Variants in BEND6 observed in about 807,000 individuals in gnomAD.
BEND6 encodes BEN domain-containing protein 6.
In BEND6, 24 loss-of-function variants were observed where a neutral mutation model predicts 31.8. That is an observed-to-expected ratio of 0.75 (90% CI 0.55 to 1.06). The LOEUF (loss-of-function observed/expected upper bound fraction) is 1.06. Among genes scored for constraint, BEND6 ranks in the 50% least tolerant of loss-of-function variants. The pLI is 0.00. For missense variants in BEND6, 294 were observed against 327.4 expected (o/e 0.90, Z 0.79); for synonymous variants, 109 against 114.6 (o/e 0.95, Z 0.31).
intron 3 of BEND6, among the ~76,000 whole-genome samples, chr6:56,993,508 G>A (rs1037694125): frequency 2.6e-5 from 4 of 152,198 alleles, no homozygotes; most frequent in African/African-American, 7.2e-5. Context: ...TGCATTTGGA[G>A]ACAGAATAGT....
intron 2 of BEND6, among the ~76,000 whole-genome samples, chr6:56,984,811 A>AG (rs1562543477): frequency 6.6e-6 from 1 of 152,200 alleles, no homozygotes; most frequent in Non-Finnish European, 1.5e-5. Context: ...CTGCATCTGA[A>AG]GCTTACCACT....
chr6:57,000,682 G>C (rs973654604), intron 3 of BEND6, among the ~76,000 whole-genome samples: 2 of 151,894 alleles, frequency 1.3e-5, no homozygotes, highest in South Asian at 2.1e-4. Flanking sequence ...TCTGGAGTTG[G>C]GATGGGCATT....
At chr6:57,020,718 G>A (rs60388447) in intron 6 of BEND6, among the ~76,000 whole-genome samples, 16 of 152,070 alleles carry the variant, frequency 1.1e-4, no homozygotes, top group South Asian at 6.2e-4. Context: ...CACCGTGACC[G>A]GCAATTTCCT....
At chr6:56,988,619 G>A (rs1317305506) in intron 2 of BEND6, among the ~76,000 whole-genome samples, 1 of 151,966 alleles carries the variant, frequency 6.6e-6, no homozygotes, top group East Asian at 1.9e-4. Context: ...CCCATCCCAA[G>A]ACCTAAAACA....
In BEND6 at chr6:56,972,086, C is replaced by CTGTCTTTTTTTTTTTTTTTTTTTTTTT. The variant is rs1825708870; in HGVS notation, c.-100-9624_-100-9623insGTCTTTTTTTTTTTTTTTTTTTTTTTT. On this transcript the variant is annotated intron_variant, in intron 1 of 6. Transcript: ENST00000370746. ...TTTTCTTTTTACTTTACTTTACTTT[C>CTGTCTTTTTTTTTTTTTTTTTTTTTTT]TTTTTTTTTTTTTTTTTTTTTTTTT... Among the ~76,000 whole-genome samples, 2 of 62,530 alleles carry CTGTCTTTTTTTTTTTTTTTTTTTTTTT rather than the reference C, an allele frequency of 3.2e-5. 1 individual carries two copies. 41.0% of individuals were successfully genotyped at this position (62,530 alleles called of 152,430 possible).
chr6:57,022,196 A>C (rs1453177265), intron 6 of BEND6, among the ~76,000 whole-genome samples: 2 of 140,280 alleles, frequency 1.4e-5, no homozygotes, highest in Non-Finnish European at 3.1e-5. Flanking sequence ...GAATTAGAGC[A>C]GAACTGGTAT....
At chr6:56,966,014 T>C (rs1177270698) in intron 1 of BEND6, among the ~76,000 whole-genome samples, 1 of 152,214 alleles carries the variant, frequency 6.6e-6, no homozygotes, top group Non-Finnish European at 1.5e-5. Context: ...ACACTTCACA[T>C]GACTTATAGT....
intron 6 of BEND6, among the ~76,000 whole-genome samples, chr6:57,023,764 C>CCTAG (rs1827822921): frequency 6.6e-6 from 1 of 152,178 alleles, no homozygotes; most frequent in South Asian, 2.1e-4. Flanking sequence ...TGCCACCACA[C>CCTAG]CTAGCTAGTA....
intron 6 of BEND6, among the ~76,000 whole-genome samples, chr6:57,021,568 C>G (rs913245683): frequency 1.3e-5 from 2 of 152,072 alleles, no homozygotes; most frequent in Non-Finnish European, 2.9e-5. Flanking sequence ...TGTGGCTGCC[C>G]TAAAGTTGCC....
intron 1 of BEND6, among the ~76,000 whole-genome samples, chr6:56,966,587 T>C (rs1327870903): frequency 6.6e-6 from 1 of 152,198 alleles, no homozygotes; most frequent in Non-Finnish European, 1.5e-5. Flanking sequence ...GCAGGCTTTT[T>C]ATTGACAATT....
In BEND6 at chr6:56,974,618, G is replaced by A. The variant is rs117732978; in HGVS notation, c.-100-7093G>A. Reference sequence around the variant, plus strand: ...TATGGGACAACTTCATTGCTTTAAAGTACTGCTAAGTGGACCACAAATGAC... The same window carrying A: ...TATGGGACAACTTCATTGCTTTAAAATACTGCTAAGTGGACCACAAATGAC... On this transcript the variant is annotated intron_variant, in intron 1 of 6. Coordinates refer to ENST00000370746, the MANE Select transcript of BEND6 (RefSeq NM_152731.3). 7.2e-5 allele frequency among the ~76,000 whole-genome samples: 11 copies of A among 152,314 alleles called. No homozygotes were observed. The East Asian group carries it at 2.1e-3, about 29-fold the overall frequency.
intron 4 of BEND6, 32 bp downstream of exon 4, chr6:57,015,385 G>A: frequency 6.5e-7 from 1 of 1,543,220 alleles, no homozygotes; most frequent in African/African-American, 1.4e-5. Context: ...ATTGTTCTTT[G>A]GAATATGCTT....
chr6:57,005,324 T>C (rs1344372410), intron 3 of BEND6, among the ~76,000 whole-genome samples: 1 of 152,118 alleles, frequency 6.6e-6, no homozygotes, highest in Non-Finnish European at 1.5e-5. Flanking sequence ...AAAAAATGTG[T>C]ACTCTCTGTG....
At chr6:57,001,678 G>T (rs1010201783) in intron 3 of BEND6, among the ~76,000 whole-genome samples, 3 of 152,188 alleles carry the variant, frequency 2.0e-5, no homozygotes, top group African/African-American at 7.2e-5. Flanking sequence ...ATATTTTCCA[G>T]ATAAGCAAGT....
At position 56,981,891 on chromosome 6, in the gene BEND6, G is replaced by T; in HGVS notation, c.81G>T (p.Met27Ile). 6.2e-7 allele frequency: 1 copy of T among 1,612,500 alleles called. No homozygotes were observed. Among genetic ancestry groups the T allele is most frequent in the South Asian group, 1.1e-5 (1 of 90,838 alleles). ...RKGKRKRTETMDSENANSDMD... is the reference protein window; with the variant it reads ...RKGKRKRTETIDSENANSDMD... ...GAAAGAGGAAAAGAACAGAGACAAT[G>T]GACTCAGAAAATGCAAATAGTGACA... The change falls in exon 2 of 7, where the codon ATG (methionine) becomes ATT (isoleucine). Residue 27 changes from methionine to isoleucine, a missense_variant. Coordinates refer to ENST00000370746, the MANE Select transcript of BEND6 (RefSeq NM_152731.3).
chr6:56,978,116 A>G (rs1251610577), intron 1 of BEND6, among the ~76,000 whole-genome samples: 1 of 149,142 alleles, frequency 6.7e-6, no homozygotes, highest in African/African-American at 2.5e-5. Context: ...ACAAAAAACA[A>G]AAAAAAAAAA....
intron 3 of BEND6, among the ~76,000 whole-genome samples, chr6:56,995,659 G>A (rs893078613): frequency 2.0e-5 from 3 of 152,072 alleles, no homozygotes; most frequent in African/African-American, 4.8e-5. Context: ...ATGTTCTTGT[G>A]TGCTTCTCTC....
At chr6:57,009,911 TAC>T (rs1827287722) in intron 3 of BEND6, 1 of 152,210 alleles carries the variant, frequency 6.6e-6, no homozygotes, top group Non-Finnish European at 1.5e-5. Flanking sequence ...ATCCTGCCAT[TAC>T]TATATGAAAT....
intron 1 of BEND6, among the ~76,000 whole-genome samples, chr6:56,958,213 A>G (rs1825162752): frequency 6.6e-6 from 1 of 152,198 alleles, no homozygotes; most frequent in Non-Finnish European, 1.5e-5. Context: ...CTGCCCACTA[A>G]TGGGTAGTAG....
Sources: allele counts gnomAD v4.1 joint callset (sites outside exome capture counted in the v4.1 genomes callset), GRCh38; gene constraint gnomAD v4.1.1; transcripts MANE v1.5; gene names NCBI Gene and HGNC (gene_info 2026-07-23, HGNC 2026-07-21).